Variants in MATN3 observed in about 807,000 individuals in gnomAD.
The protein encoded by MATN3 is matrilin-3.
A neutral mutation model predicts 45.3 loss-of-function variants in MATN3; 48 were observed. The ratio of observed to expected loss-of-function variants is 1.06; its 90% CI spans 0.84 to 1.35. The LOEUF (loss-of-function observed/expected upper bound fraction) is 1.35. MATN3 is among the 40% of genes most tolerant of loss of function. The pLI is 0.00. For synonymous variants in MATN3, 217 were observed against 245.9 expected, an observed-to-expected ratio of 0.88 and a Z score of 1.10; for missense variants, 599 against 628.0, an observed-to-expected ratio of 0.95 and a Z score of 0.49.
chr2:20,008,306 C>G (rs147893785), intron 1 of MATN3, among the ~76,000 whole-genome samples: 1 of 152,140 alleles, frequency 6.6e-6, no homozygotes, highest in Non-Finnish European at 1.5e-5. Flanking sequence ...ACCCAACACA[C>G]GCATGCAGCC....
intron 1 of MATN3, among the ~76,000 whole-genome samples, chr2:20,009,087 T>C (rs569047499): frequency 3.9e-4 from 59 of 151,892 alleles, no homozygotes; most frequent in African/African-American, 1.4e-3. Context: ...TAGCCAGGCA[T>C]GGTGGCAGGC....
chr2:20,004,092 T>G (rs1673045417), intron 2 of MATN3: 1 of 152,228 alleles, frequency 6.6e-6, no homozygotes, highest in Admixed American at 6.5e-5. Flanking sequence ...TGAAGGAGGC[T>G]GGCCCTCCTG....
chr2:20,000,605 G>A, intron 4 of MATN3, 39 bp from the exon 5 acceptor site: 3 of 1,585,702 alleles, frequency 1.9e-6, no homozygotes, highest in South Asian at 1.2e-5. Context: ...AATAGAAGGT[G>A]GAAAAGTATT....
chr2:19,994,621 T>A lies in MATN3; in HGVS notation c.1295-212A>T, dbSNP rs575558805. ...TAGGATACATTGGGGAAAATGTTTATAATTGTCAAAGCTGAGTGATGCTTA... is the reference window on the plus strand; with the variant it reads ...TAGGATACATTGGGGAAAATGTTTAAAATTGTCAAAGCTGAGTGATGCTTA... On this transcript the variant is annotated intron_variant, in intron 6 of 7. Coordinates refer to ENST00000407540, the MANE Select transcript of MATN3 (RefSeq NM_002381.5). 2.0e-5 allele frequency among the ~76,000 whole-genome samples: 3 copies of A among 152,352 alleles called. No individual in the cohort carries two copies. The South Asian group carries it at 6.2e-4, about 32-fold the overall frequency.
chr2:19,993,632 C>A (rs372862017), intron 7 of MATN3, among the ~76,000 whole-genome samples: 8 of 152,138 alleles, frequency 5.3e-5, no homozygotes, highest in African/African-American at 1.7e-4. Context: ...CAGCTGATTC[C>A]AAGTAGTGTC....
chr2:20,001,163 C>T (rs2103481711), intron 4 of MATN3, among the ~76,000 whole-genome samples: 1 of 152,316 alleles, frequency 6.6e-6, no homozygotes, highest in Non-Finnish European at 1.5e-5. Flanking sequence ...AATTCCTGTA[C>T]TTCACCCTGT....
Position 20,012,537 on chromosome 2 carries a change from G to C in MATN3, c.95C>G (p.Ala32Gly). 1 of 1,227,130 alleles carries C rather than the reference G, an allele frequency of 8.1e-7. No homozygotes were observed. Among genetic ancestry groups the C allele is most frequent in the South Asian group, 4.1e-5 (1 of 24,550 alleles). 76.0% of individuals were successfully genotyped at this position (1,227,130 alleles called of 1,614,324 possible). The change falls in exon 1 of 8, where the codon GCC (alanine) becomes GGC (glycine). Residue 32 changes from alanine to glycine, a missense_variant. Coordinates refer to ENST00000407540, the MANE Select transcript of MATN3 (RefSeq NM_002381.5). The surrounding 1 kb of genome is among the most constrained non-coding windows in gnomAD (Gnocchi z 4.3). ...CTCCAGCCTCCGGAAGCCCGGGCGG[G>C]CCACGGGGTCGGGGGCGGCGGAGGG... ...LLPSAAPDPV[A>G]RPGFRRLETR...
chr2:20,006,248 G>T lies in MATN3; in HGVS notation c.286C>A (p.Pro96Thr). The T allele has an allele frequency of 1.2e-6, 2 of 1,609,942 alleles. No homozygotes were observed. The highest frequency in any genetic ancestry group is 8.5e-7 in the Non-Finnish European group (1 of 1,178,596). The change falls in exon 2 of 8, where the codon CCC becomes ACC. Residue 96 changes from proline (P) to threonine (T), a missense_variant. By Grantham distance (38) the Pro-to-Thr change is conservative. Transcript: ENST00000407540. ...FIIDSSRSVR[P>T]LEFTKVKTFV... ...GTTTTCACTTTGGTGAATTCCAGGG[G>T]CCGTACGCTACGAGAACTATCAATG...
At position 20,003,168 on chromosome 2, in the gene MATN3, C is replaced by A; in HGVS notation, c.909G>T (p.Thr303=). 1 of 1,613,712 alleles carries A rather than the reference C, an allele frequency of 6.2e-7. No individual in the cohort carries two copies. The highest frequency in any genetic ancestry group is 8.5e-7 in the Non-Finnish European group (1 of 1,179,778). Residue 303 remains threonine (T), a synonymous_variant, in exon 3 of 8, where the codon ACG becomes ACT. Transcript: ENST00000407540. The part of the protein sequence containing the change: ...QGYTLNADKK[T]CSALDRCALN... ...CCCCTACACAGGCCTCACCTGAACA[C>A]GTTTTCTTGTCGGCATTCAAGGTGT...
rs1673232531 is a variant in MATN3, at chr2:20,012,302, T to C, written c.223+107A>G. 2.4e-5 allele frequency: 21 copies of C among 864,214 alleles called. No homozygotes were observed. The highest frequency in any genetic ancestry group is 3.2e-5 in the Non-Finnish European group (21 of 655,010). 53.5% of individuals were successfully genotyped at this position (864,214 alleles called of 1,614,324 possible). On this transcript the variant is annotated intron_variant, in intron 1 of 7. Transcript: ENST00000407540. This position sits in a 1 kb window ranked among gnomAD's most constrained non-coding sequence, Gnocchi z 4.3. ...AGGATTCATCCGGGAGGGGCCTCTTTCCCCCGCACCACGGTCGGCCTGAGG... is the reference window on the plus strand; with the variant it reads ...AGGATTCATCCGGGAGGGGCCTCTTCCCCCCGCACCACGGTCGGCCTGAGG...
Position 20,006,292 on chromosome 2 carries a change from G to T in MATN3, c.242C>A (p.Pro81His). 1 of 1,571,166 alleles carries T rather than the reference G, an allele frequency of 6.4e-7. No homozygotes were observed. The highest frequency in any genetic ancestry group is 1.1e-5 in the South Asian group (1 of 87,094). Reference protein sequence around the residue: ...ARGAGVCKSRPLDLVFIIDSS... With the variant: ...ARGAGVCKSRHLDLVFIIDSS... ...ATCAATGATAAACACCAGGTCCAAG[G>T]GTCTGCTCTTGCAAACACCTGCAAA... Residue 81 changes from proline (P) to histidine (H), a missense_variant, in exon 2 of 8, where the codon CCC becomes CAC. By Grantham distance (77) the Pro-to-His change is moderately conservative. Transcript: ENST00000407540.
intron 6 of MATN3, among the ~76,000 whole-genome samples, chr2:19,994,699 T>C (rs1672827385): frequency 6.6e-6 from 1 of 152,222 alleles, no homozygotes; most frequent in Non-Finnish European, 1.5e-5. Context: ...CAGAAATTAT[T>C]CATGATATAA....
Position 20,012,424 on chromosome 2 carries a change from G to C in MATN3, c.208C>G (p.Arg70Gly). Residue 70 changes from arginine to glycine, a missense_variant, in exon 1 of 8, where the codon CGC (arginine) becomes GGC (glycine). Coordinates refer to ENST00000407540, the MANE Select transcript of MATN3 (RefSeq NM_002381.5). The surrounding 1 kb of genome is among the most constrained non-coding windows in gnomAD (Gnocchi z 4.3). ...APASGTSEPGRARGAGVCKSR... is the reference protein window; with the variant it reads ...APASGTSEPGGARGAGVCKSR... ...CCGCCTGTACCTGCACCGCGGGCGC[G>C]GCCAGGCTCGCTGGTCCCGGAAGCG... 2.4e-6 allele frequency: 3 copies of C among 1,229,408 alleles called. No individual in the cohort carries two copies. Among genetic ancestry groups the C allele is most frequent in the Non-Finnish European group, 3.0e-6 (3 of 986,458 alleles). The allele number at this position is 1,229,408 out of a possible 1,614,324, so 76.2% of individuals were successfully genotyped here. A position where few individuals can be genotyped will look rare whatever the true frequency, so the allele number is the denominator to read the frequency against.
rs1210717715 is a variant in MATN3 at position 20,003,211 on chromosome 2, C to T, written c.866G>A (p.Cys289Tyr). ...CAAGGTGTATCCTTGGCTACACTCACAGTGGTGCTTGCCTTCCCCATCACT... is the reference window on the plus strand; with the variant it reads ...CAAGGTGTATCCTTGGCTACACTCATAGTGGTGCTTGCCTTCCCCATCACT... ...CISDGEGKHH[C>Y]ECSQGYTLNA... The change falls in exon 3 of 8, where the codon TGT becomes TAT. Residue 289 changes from cysteine (C) to tyrosine (Y), a missense_variant. Transcript: ENST00000407540. 6.2e-7 allele frequency: 1 copy of T among 1,613,892 alleles called. No homozygotes were observed.
At position 19,993,097 on chromosome 2, in the gene MATN3, G is replaced by A. The variant is rs1672791942; in HGVS notation, c.*14C>T. The A allele has an allele frequency of 2.5e-6, 4 of 1,607,332 alleles. No homozygotes were observed. Among genetic ancestry groups the A allele is most frequent in the Non-Finnish European group, 3.4e-6 (4 of 1,174,106 alleles). On this transcript the variant is annotated 3_prime_UTR_variant, in exon 8 of 8. Coordinates refer to ENST00000407540, the MANE Select transcript of MATN3 (RefSeq NM_002381.5). ...CCAAGCTGTCCACATTTTCAGGTGA[G>A]AAATTGGAGCAATTTAACGATGTAT...
At chr2:20,010,066 C>CAAAAAAAAAAAAAAAAAAAAA (rs1558376342) in intron 1 of MATN3, among the ~76,000 whole-genome samples, 16 of 5,534 alleles carry the variant, frequency 2.9e-3, no homozygotes, top group South Asian at 0.013. Context: ...TCTTCAAATA[C>CAAAAAAAAAAAAAAAAAAAAA]TAAAAAAAAA....
chr2:19,996,279 A>G (rs1045932665), intron 6 of MATN3, among the ~76,000 whole-genome samples: 10 of 152,246 alleles, frequency 6.6e-5, no homozygotes, highest in African/African-American at 1.2e-4. Context: ...ATATTTTTAA[A>G]AGTACAAGAC....
At chr2:20,001,073 T>C (rs1320649633) in intron 4 of MATN3, among the ~76,000 whole-genome samples, 1 of 152,200 alleles carries the variant, frequency 6.6e-6, no homozygotes, top group Admixed American at 6.5e-5. Context: ...ACTGATATAT[T>C]TTTAAACTAT....
intron 6 of MATN3, 144 bp downstream of exon 6, chr2:19,996,990 G>C: frequency 1.3e-6 from 1 of 771,808 alleles, no homozygotes; most frequent in Non-Finnish European, 2.1e-6. Context: ...GGGTATCATT[G>C]TTTTATTCTG....
Sources: allele counts gnomAD v4.1 joint callset (sites outside exome capture counted in the v4.1 genomes callset), GRCh38; gene constraint gnomAD v4.1.1; non-coding constraint Gnocchi (gnomAD v3.1); transcripts MANE v1.5; gene names NCBI Gene and HGNC (gene_info 2026-07-23, HGNC 2026-07-21).